The following DNAH11 variants were observed in gnomAD, a reference collection of about 807,000 sequenced individuals.
DNAH11 encodes dynein axonemal heavy chain 11, also known as axonemal beta dynein heavy chain 11.
A neutral mutation model predicts 526.0 loss-of-function variants in DNAH11; 442 were observed. The ratio of observed to expected loss-of-function variants is 0.84; its 90% confidence interval spans 0.78 to 0.91. The LOEUF is 0.91. DNAH11 is among the 40% of genes least tolerant of loss of function. DNAH11 has a pLI of 0.00. For synonymous variants in DNAH11, 2,461 were observed against 1,935.9 expected, an observed-to-expected ratio of 1.27 and a Z score of -7.12; for missense variants, 6,989 against 5,448.7, an observed-to-expected ratio of 1.28 and a Z score of -8.90.
chr7:21,682,812 C>G (rs568766624), intron 31 of DNAH11, among the ~76,000 whole-genome samples: 1 of 152,158 alleles, frequency 6.6e-6, no homozygotes, highest in African/African-American at 2.4e-5. Context: ...TCATAAAGTG[C>G]AAGAAAATGC....
chr7:21,858,584 C>T (rs969544625), intron 68 of DNAH11, among the ~76,000 whole-genome samples: 4 of 151,978 alleles, frequency 2.6e-5, no homozygotes. Context: ...TGTCACCAAA[C>T]GATTATGTTG....
Position 21,801,177 on chromosome 7 carries a change from A to G in DNAH11, c.10067A>G (p.Glu3356Gly), listed in dbSNP as rs781645210. ...CTGAGCAGACTCACGGCTTCATTTG[A>G]AAAAGCAACAGCTGAGAAAGTCCGG... Reference protein sequence around the residue: ...RNLSRLTASFEKATAEKVRCQ... With the variant: ...RNLSRLTASFGKATAEKVRCQ... Residue 3356 changes from glutamate to glycine, a missense_variant, in exon 62 of 82, where the codon GAA (glutamate) becomes GGA (glycine). Physicochemically the swap from Glu to Gly is moderately conservative, Grantham distance 98. Transcript: ENST00000409508. 1.9e-6 allele frequency: 3 copies of G among 1,612,618 alleles called. No homozygotes were observed. Among genetic ancestry groups the G allele is most frequent in the East Asian group, 2.2e-5 (1 of 44,838 alleles).
intron 31 of DNAH11, among the ~76,000 whole-genome samples, chr7:21,683,337 C>G (rs901372046): frequency 6.6e-6 from 1 of 152,130 alleles, no homozygotes; most frequent in African/African-American, 2.4e-5. Context: ...AAAAACAAAG[C>G]AGAAAATCTC....
intron 65 of DNAH11, among the ~76,000 whole-genome samples, chr7:21,836,254 G>A (rs1288219686): frequency 6.6e-6 from 1 of 151,946 alleles, no homozygotes; most frequent in African/African-American, 2.4e-5. Context: ...AAACCATCCT[G>A]AAATTTATAT....
At chr7:21,548,932 A>T (rs920531386) in intron 2 of DNAH11, among the ~76,000 whole-genome samples, 1 of 150,274 alleles carries the variant, frequency 6.7e-6, no homozygotes, top group Admixed American at 6.6e-5. Context: ...CCCAGGCTGG[A>T]GTGCAATGGC....
At chr7:21,648,708 G>A (rs1787484995) in intron 28 of DNAH11, among the ~76,000 whole-genome samples, 1 of 152,106 alleles carries the variant, frequency 6.6e-6, no homozygotes, top group African/African-American at 2.4e-5. Flanking sequence ...ATTAATATAT[G>A]TTATGTATTT....
intron 35 of DNAH11, among the ~76,000 whole-genome samples, chr7:21,697,332 C>T (rs1001499299): frequency 1.3e-5 from 2 of 152,052 alleles, no homozygotes; most frequent in African/African-American, 4.8e-5. Context: ...TAAATGTCCC[C>T]TTTAAAAGTC....
intron 65 of DNAH11, among the ~76,000 whole-genome samples, chr7:21,820,615 T>A (rs1448241236): frequency 6.6e-6 from 1 of 152,078 alleles, no homozygotes; most frequent in Non-Finnish European, 1.5e-5. Context: ...GAGAAGGATG[T>A]GGACTGGGAC....
At chr7:21,877,993 G>A (rs1783784722) in intron 74 of DNAH11, among the ~76,000 whole-genome samples, 1 of 151,154 alleles carries the variant, frequency 6.6e-6, no homozygotes, top group East Asian at 1.9e-4. Context: ...ATAGATTTCT[G>A]TTTCTGTAAA....
In DNAH11 at chr7:21,687,652, T is replaced by C; in HGVS notation, c.5924+125T>C. 2 of 1,242,416 alleles carry C rather than the reference T, an allele frequency of 1.6e-6. 1 individual carries two copies. The highest frequency in any genetic ancestry group is 3.3e-5 in the South Asian group (2 of 60,736). 77.0% of individuals were successfully genotyped at this position (1,242,416 alleles called of 1,614,324 possible). On this transcript the variant is annotated intron_variant, in intron 34 of 81. Coordinates refer to ENST00000409508, the MANE Select transcript of DNAH11 (RefSeq NM_001277115.2). The stretch of plus-strand genomic sequence containing the variant: ...TGAAATAGATAAAGGAAGATTCTGG[T>C]CGATTTGGGGGAATTATTTTGAATA...
At chr7:21,545,273 TTAA>T in intron 2 of DNAH11, 124 bp downstream of exon 2, 2 of 113,540 alleles carry the variant, frequency 1.8e-5, no homozygotes, top group Non-Finnish European at 2.4e-5. Context: ...ATGGGGGTGG[TTAA>T]AAAAAAAAAA....
At position 21,842,658 on chromosome 7, in the gene DNAH11, C is replaced by A; in HGVS notation, c.10806C>A (p.Leu3602=). The A allele has an allele frequency of 6.2e-7, 1 of 1,613,894 alleles. No homozygotes were observed. The highest frequency in any genetic ancestry group is 8.5e-7 in the Non-Finnish European group (1 of 1,179,842). ...YKPELQAQTT[L]LNFTVTEDGL... is the part of the protein sequence containing the mutation. ...CGGAATTACAAGCTCAGACAACTCT[C>A]CTCAATTTCACAGTCACAGAAGATG... The change falls in exon 66 of 82, where the codon CTC becomes CTA. Residue 3602 remains leucine, a synonymous_variant. Transcript: ENST00000409508.
At chr7:21,804,209 C>T (rs958871144) in intron 62 of DNAH11, among the ~76,000 whole-genome samples, 19 of 152,154 alleles carry the variant, frequency 1.2e-4, no homozygotes, top group Admixed American at 8.5e-4. Flanking sequence ...CCCGGGTTCA[C>T]GCCATTCTCC....
intron 36 of DNAH11, among the ~76,000 whole-genome samples, chr7:21,701,344 C>T (rs375597457): frequency 1.5e-4 from 22 of 148,160 alleles, no homozygotes; most frequent in African/African-American, 5.3e-4. Context: ...GGCTGGAGTA[C>T]AGTAATGTGA....
In DNAH11 at chr7:21,564,185, G is replaced by T. The variant is rs777285019; in HGVS notation, c.983-1G>T. On this transcript the variant is annotated splice_acceptor_variant, in intron 5 of 81. Transcript: ENST00000409508. LOFTEE classifies it high-confidence loss of function. ...CGTTAATGGTGGTTCTTTGCTTTCA[G>T]CTCTTCTCGAAGCCCAAGATGTGGA... The T allele has an allele frequency of 1.3e-5, 21 of 1,560,222 alleles. No homozygotes were observed. In the South Asian group the frequency reaches 2.5e-4, roughly 19 times the overall value.
intron 35 of DNAH11, among the ~76,000 whole-genome samples, chr7:21,691,840 C>CT (rs956082889): frequency 6.6e-6 from 1 of 151,778 alleles, no homozygotes; most frequent in Admixed American, 6.6e-5. Flanking sequence ...TTGTCTTTTC[C>CT]TTTTTTTTAT....
Position 21,901,283 on chromosome 7 carries a change from C to A in DNAH11, c.*29C>A. The A allele has an allele frequency of 6.3e-7, 1 of 1,581,154 alleles. No individual in the cohort carries two copies. Among genetic ancestry groups the A allele is most frequent in the Non-Finnish European group, 8.6e-7 (1 of 1,162,618 alleles). On this transcript the variant is annotated 3_prime_UTR_variant, in exon 82 of 82. Transcript: ENST00000409508. Reference sequence around the variant, plus strand: ...AACACTGGCATTCCTCTAGCCTCTGCTGGAGTGCAGTGAGGATTTTCTAGC... The same window carrying A: ...AACACTGGCATTCCTCTAGCCTCTGATGGAGTGCAGTGAGGATTTTCTAGC...
At chr7:21,750,509 G>A (rs745633858) in intron 54 of DNAH11, 145 bp downstream of exon 54, 35 of 1,120,214 alleles carry the variant, frequency 3.1e-5, no homozygotes, top group Non-Finnish European at 4.2e-5. Flanking sequence ...TGTATCTGGA[G>A]CGTACCTTCC....
At position 21,842,777 on chromosome 7, in the gene DNAH11, T is replaced by A. The variant is rs756217622; in HGVS notation, c.10896+29T>A. ...AAAATGTTTACGTCACCACCAACACTTAGTCGGCATTTGCTTTGCACAAAT... is the reference window on the plus strand; with the variant it reads ...AAAATGTTTACGTCACCACCAACACATAGTCGGCATTTGCTTTGCACAAAT... On this transcript the variant is annotated intron_variant, in intron 66 of 81. Transcript: ENST00000409508. 14 of 1,549,818 alleles carry A rather than the reference T, an allele frequency of 9.0e-6. No homozygotes were observed. In the South Asian group the frequency reaches 1.7e-4, roughly 19 times the overall value.
Sources: gnomAD v4.1 joint callset for allele counts (sites outside exome capture counted in the v4.1 genomes callset) on GRCh38, gnomAD v4.1.1 for gene constraint, MANE v1.5 for transcripts, NCBI Gene and HGNC (gene_info 2026-07-23, HGNC 2026-07-21) for gene names.